RORA: variants seen among roughly 807,000 people sequenced by gnomAD.
RORA encodes the protein RAR related orphan receptor A, also known as nuclear receptor ROR-alpha.
A neutral mutation model predicts 69.5 loss-of-function variants in RORA; 7 were observed. The ratio of observed to expected loss-of-function variants is 0.10; its 90% CI spans 0.06 to 0.19. RORA has a LOEUF of 0.19. Ranked by LOEUF, RORA falls within the 10% of genes least tolerant of loss-of-function variation. The probability of loss-of-function intolerance (pLI) is 1.00; values close to 1 mark genes in which losing one functional copy is unlikely to be tolerated. For synonymous variants in RORA, 261 were observed against 240.8 expected (o/e 1.08, Z -0.78); for missense variants, 457 against 663.0 (o/e 0.69, Z 3.41).
intron 1 of RORA, among the ~76,000 whole-genome samples, chr15:61,153,290 T>A (rs2079413804): frequency 6.6e-6 from 1 of 152,198 alleles, no homozygotes; most frequent in South Asian, 2.1e-4. Flanking sequence ...CTGGTTCAAT[T>A]AAGGCTACAC....
At chr15:60,577,622 T>C (rs552329458) in intron 2 of RORA, among the ~76,000 whole-genome samples, 7 of 138,208 alleles carry the variant, frequency 5.1e-5, no homozygotes, top group African/African-American at 1.9e-4. Flanking sequence ...CCAGCCTGGG[T>C]GACAGAGTGA....
At chr15:60,824,979 C>T (rs925883938) in intron 1 of RORA, among the ~76,000 whole-genome samples, 6 of 152,204 alleles carry the variant, frequency 3.9e-5, no homozygotes, top group South Asian at 2.1e-4. Flanking sequence ...AATGGGCTAA[C>T]GTAGGACTGT....
intron 1 of RORA, among the ~76,000 whole-genome samples, chr15:60,815,838 T>G (rs937590592): frequency 4.0e-5 from 6 of 148,934 alleles, no homozygotes; most frequent in Non-Finnish European, 8.9e-5. Flanking sequence ...ATAGTATATA[T>G]TTACACTATT....
intron 1 of RORA, among the ~76,000 whole-genome samples, chr15:60,889,124 C>T (rs530876441): frequency 6.6e-6 from 1 of 152,302 alleles, no homozygotes; most frequent in East Asian, 1.9e-4. Context: ...CCATGTCGCA[C>T]ACTTATGCTG....
chr15:60,799,673 T>C (rs2072551022), intron 1 of RORA, among the ~76,000 whole-genome samples: 1 of 152,158 alleles, frequency 6.6e-6, no homozygotes, highest in South Asian at 2.1e-4. Context: ...ACATGCTACA[T>C]GCCAAGATGC....
intron 1 of RORA, among the ~76,000 whole-genome samples, chr15:61,110,862 C>T (rs1332965154): frequency 6.6e-6 from 1 of 152,356 alleles, no homozygotes; most frequent in East Asian, 1.9e-4. Flanking sequence ...TCCTCATACA[C>T]CGCACGCCCT....
At chr15:61,154,252 G>A (rs1405692643) in intron 1 of RORA, among the ~76,000 whole-genome samples, 1 of 152,084 alleles carries the variant, frequency 6.6e-6, no homozygotes, top group African/African-American at 2.4e-5. Context: ...GGGATGAAAA[G>A]GGGTACAAAA....
At chr15:61,051,265 G>C (rs768124018) in intron 1 of RORA, among the ~76,000 whole-genome samples, 2 of 152,122 alleles carry the variant, frequency 1.3e-5, no homozygotes, top group African/African-American at 4.8e-5. Context: ...TGACAAATAT[G>C]TACATTTTGG....
chr15:60,976,400 GC>G (rs1472530935), intron 1 of RORA, among the ~76,000 whole-genome samples: 2 of 152,204 alleles, frequency 1.3e-5, no homozygotes, highest in African/African-American at 2.4e-5. Context: ...AAATGAGGAA[GC>G]CAGACTAAAT....
intron 1 of RORA, among the ~76,000 whole-genome samples, chr15:60,803,319 G>A (rs941335563): frequency 3.9e-5 from 6 of 152,152 alleles, no homozygotes; most frequent in Non-Finnish European, 7.3e-5. Flanking sequence ...AAGAACCTAC[G>A]CAATTCTTCA....
intron 1 of RORA, among the ~76,000 whole-genome samples, chr15:60,796,867 A>G (rs986715955): frequency 2.6e-5 from 4 of 151,958 alleles, no homozygotes; most frequent in African/African-American, 9.7e-5. Flanking sequence ...AAAAAAGAAT[A>G]AAGGACCCAT....
At chr15:61,033,282 CTT>C (rs1896271606) in intron 1 of RORA, among the ~76,000 whole-genome samples, 2 of 152,144 alleles carry the variant, frequency 1.3e-5, no homozygotes, top group Non-Finnish European at 2.9e-5. Context: ...CTGAGTTTTC[CTT>C]TAGTCCAAAT....
chr15:61,197,436 G>A (rs191386049), intron 1 of RORA, among the ~76,000 whole-genome samples: 180 of 152,300 alleles, frequency 1.2e-3, no homozygotes, highest in African/African-American at 4.0e-3. Flanking sequence ...TGTGGCTCAC[G>A]AGGAGCCCAT....
intron 1 of RORA, among the ~76,000 whole-genome samples, chr15:60,788,580 G>A (rs545046255): frequency 2.6e-5 from 4 of 152,188 alleles, no homozygotes; most frequent in African/African-American, 4.8e-5. Context: ...AAATGCTGAC[G>A]CATGCATTTT....
intron 6 of RORA, 60 bp downstream of exon 6, chr15:60,505,448 A>G (rs1441203866): frequency 3.2e-6 from 5 of 1,578,798 alleles, no homozygotes; most frequent in Non-Finnish European, 4.3e-6. Flanking sequence ...CAACTTTCCT[A>G]TACCAACACC....
chr15:60,883,817 G>A (rs924020776), intron 1 of RORA, among the ~76,000 whole-genome samples: 2 of 152,210 alleles, frequency 1.3e-5, no homozygotes, highest in African/African-American at 4.8e-5. Context: ...GTATACGAAA[G>A]GGTGTTGAGT....
rs761422133 is a variant in RORA, at chr15:60,502,856, C to T, written c.1087G>A (p.Val363Met). 1.2e-6 allele frequency: 2 copies of T among 1,611,960 alleles called. No individual in the cohort carries two copies. Among genetic ancestry groups the T allele is most frequent in the Admixed American group, 1.7e-5 (1 of 60,022 alleles). ...IVLLKAGSLE[V>M]VFIRMCRAFD... Reference sequence around the variant, plus strand: ...GCACGGCACATTCTGATAAACACCACCTCTAGAGAACCTAAGCAGAGGCAG... The same window carrying T: ...GCACGGCACATTCTGATAAACACCATCTCTAGAGAACCTAAGCAGAGGCAG... The change falls in exon 8 of 11, where the codon GTG becomes ATG. Residue 363 changes from valine to methionine, a missense_variant. Val to Met is a conservative substitution (Grantham distance 21). Transcript: ENST00000335670.
At chr15:60,744,937 A>T (rs2071626516) in intron 1 of RORA, among the ~76,000 whole-genome samples, 1 of 152,180 alleles carries the variant, frequency 6.6e-6, no homozygotes, top group South Asian at 2.1e-4. Context: ...ATTAAATGGA[A>T]ATGCTGGAGG....
intron 2 of RORA, among the ~76,000 whole-genome samples, chr15:60,602,677 T>C (rs758575809): frequency 6.6e-6 from 1 of 152,212 alleles, no homozygotes; most frequent in Non-Finnish European, 1.5e-5. Flanking sequence ...CTGTAAAACA[T>C]ATAGAGTGCT....
Sources: gnomAD v4.1 joint callset for allele counts (sites outside exome capture counted in the v4.1 genomes callset) on GRCh38, gnomAD v4.1.1 for gene constraint, MANE v1.5 for transcripts, NCBI Gene and HGNC (gene_info 2026-07-23, HGNC 2026-07-21) for gene names.